ERN1: variants seen among roughly 807,000 people sequenced by gnomAD.
ERN1 encodes the protein endoplasmic reticulum to nucleus signaling 1.
ERN1 carries 39 observed loss-of-function variants against 113.1 expected under a neutral mutation model. That is an observed-to-expected ratio of 0.34 (90% confidence interval 0.27 to 0.45). The LOEUF (loss-of-function observed/expected upper bound fraction) is 0.45. Among genes scored for constraint, ERN1 ranks in the 20% least tolerant of loss-of-function variants. ERN1 has a pLI of 1.00. For synonymous variants in ERN1, 507 were observed against 515.9 expected, an observed-to-expected ratio of 0.98 and a Z score of 0.23; for missense variants, 976 against 1,274.8, an observed-to-expected ratio of 0.77 and a Z score of 3.57.
chr17:64,083,078 A>C (rs966270755), intron 2 of ERN1, among the ~76,000 whole-genome samples: 3 of 152,198 alleles, frequency 2.0e-5, no homozygotes, highest in Admixed American at 6.6e-5. Context: ...TTTCTTTAAG[A>C]ATCATCTGAA....
At chr17:64,103,678 A>T (rs1004372784) in intron 1 of ERN1, among the ~76,000 whole-genome samples, 1 of 152,174 alleles carries the variant, frequency 6.6e-6, no homozygotes, top group Non-Finnish European at 1.5e-5. Flanking sequence ...AATTCAGCTA[A>T]TTGTTAGGGC....
At position 64,114,559 on chromosome 17, in the gene ERN1, G is replaced by A. The variant is rs115073472; in HGVS notation, c.54+15417C>T. 6.8e-3 allele frequency among the ~76,000 whole-genome samples: 1,031 copies of A among 152,326 alleles called. 9 individuals carry two copies. The highest frequency in any genetic ancestry group is 0.024 in the African/African-American group (990 of 41,570). ...AGTGTAGCTGGACAGAGAAGGCAGA[G>A]GGGATATGGGACACGGTGAGGTTGG... On this transcript the variant is annotated intron_variant, in intron 1 of 21. Transcript: ENST00000433197.
chr17:64,106,134 A>T (rs1415968320), intron 1 of ERN1, among the ~76,000 whole-genome samples: 1 of 152,220 alleles, frequency 6.6e-6, no homozygotes, highest in African/African-American at 2.4e-5. Context: ...CCAGGACTCA[A>T]ATCTACTGGA....
At chr17:64,101,397 G>T (rs150617909) in intron 1 of ERN1, among the ~76,000 whole-genome samples, 1 of 152,066 alleles carries the variant, frequency 6.6e-6, no homozygotes, top group East Asian at 1.9e-4. Flanking sequence ...GGGATAGAGC[G>T]AGGCTCTGTC....
chr17:64,083,389 C>T (rs1461704439), intron 2 of ERN1, among the ~76,000 whole-genome samples: 1 of 151,892 alleles, frequency 6.6e-6, no homozygotes, highest in Non-Finnish European at 1.5e-5. Context: ...AGGTAAGATT[C>T]TTGCTTTAAA....
chr17:64,113,890 G>C, intron 1 of ERN1, among the ~76,000 whole-genome samples: 1 of 151,866 alleles, frequency 6.6e-6, no homozygotes, highest in East Asian at 1.9e-4. Context: ...CACCATCTTG[G>C]CCAGGCTGGT....
chr17:64,060,930 T>A (rs1376164920), intron 10 of ERN1, among the ~76,000 whole-genome samples: 1 of 152,044 alleles, frequency 6.6e-6, no homozygotes, highest in East Asian at 1.9e-4. Context: ...TCATTAAAAG[T>A]TCAAGGAGTT....
Position 64,054,411 on chromosome 17 carries a change from C to T in ERN1, c.1792G>A (p.Val598Met), listed in dbSNP as rs1308817257. 5.7e-6 allele frequency: 9 copies of T among 1,578,640 alleles called. No individual in the cohort carries two copies. The highest frequency in any genetic ancestry group is 2.3e-5 in the South Asian group (2 of 86,360). The change falls in exon 15 of 22, where the codon GTG (valine) becomes ATG (methionine). Residue 598 changes from valine to methionine, a missense_variant. By Grantham distance (21) the Val-to-Met change is conservative. Transcript: ENST00000433197. This position sits in a 1 kb window ranked among gnomAD's most constrained non-coding sequence, Gnocchi z 4.9. ...AAACACTCGGGGAGGATCCTCTTCA[C>T]GGCCACGTCGCGGTTGTCAAACATG... ...RGMFDNRDVA[V>M]KRILPECFSF...
At chr17:64,093,168 C>T (rs763344489) in intron 2 of ERN1, among the ~76,000 whole-genome samples, 1 of 152,106 alleles carries the variant, frequency 6.6e-6, no homozygotes, top group African/African-American at 2.4e-5. Flanking sequence ...TAAAAATGTC[C>T]AGTTCATTGG....
At position 64,043,046 on chromosome 17, in the gene ERN1, G is replaced by A. The variant is rs964587550; in HGVS notation, c.*942C>T. The A allele has an allele frequency of 6.6e-6, 1 of 152,348 alleles. No homozygotes were observed. The highest frequency in any genetic ancestry group is 6.5e-5 in the Admixed American group (1 of 15,272). 9.4% of individuals were successfully genotyped at this position (152,348 alleles called of 1,614,324 possible). A position where few individuals can be genotyped will look rare whatever the true frequency, so the allele number is the denominator to read the frequency against. ...CTCACCACGAGCCTCTTGTTCCACCGGCCTTGGGGACGAAGGAGTTTGACT... is the reference window on the plus strand; with the variant it reads ...CTCACCACGAGCCTCTTGTTCCACCAGCCTTGGGGACGAAGGAGTTTGACT... On this transcript the variant is annotated 3_prime_UTR_variant, in exon 22 of 22. Coordinates refer to ENST00000433197, the MANE Select transcript of ERN1 (RefSeq NM_001433.5).
At chr17:64,048,358 T>C (rs1912578527) in intron 18 of ERN1, among the ~76,000 whole-genome samples, 1 of 152,236 alleles carries the variant, frequency 6.6e-6, no homozygotes, top group South Asian at 2.1e-4. Context: ...ACTGTATTTT[T>C]ATAAAATATG....
At chr17:64,056,044 T>C (rs1912858730) in intron 12 of ERN1, 96 bp from the exon 13 acceptor site, 5 of 1,445,360 alleles carry the variant, frequency 3.5e-6, no homozygotes, top group Non-Finnish European at 4.5e-6. Context: ...AGGGAGCATG[T>C]GTACTTTATG....
At chr17:64,109,293 C>A (rs193284594) in intron 1 of ERN1, among the ~76,000 whole-genome samples, 1 of 152,210 alleles carries the variant, frequency 6.6e-6, no homozygotes, top group Non-Finnish European at 1.5e-5. Flanking sequence ...GAGGAGTAGA[C>A]AGGAGAGTCA....
At chr17:64,069,018 C>T (rs372424340) in intron 6 of ERN1, among the ~76,000 whole-genome samples, 6 of 152,070 alleles carry the variant, frequency 3.9e-5, no homozygotes, top group Non-Finnish European at 7.4e-5. Flanking sequence ...GACTGAATAT[C>T]GCTGGAAAAG....
intron 11 of ERN1, among the ~76,000 whole-genome samples, chr17:64,058,513 C>T (rs1290450187): frequency 1.1e-4 from 16 of 152,156 alleles, no homozygotes; most frequent in Admixed American, 1.0e-3. Flanking sequence ...TAATTTATTC[C>T]AGTAGTCCAC....
chr17:64,129,999 T>C lies in ERN1; in HGVS notation c.31A>G (p.Thr11Ala). Residue 11 changes from threonine to alanine, a missense_variant, in exon 1 of 22, where the codon ACG (threonine) becomes GCG (alanine). Physicochemically the swap from Thr to Ala is moderately conservative, Grantham distance 58. This residue lies in a region of ERN1 where 459 missense variants were observed against 581.2 expected (regional missense o/e 0.79). Coordinates refer to ENST00000433197, the MANE Select transcript of ERN1 (RefSeq NM_001433.5). ...ACCCCGAGGCCGGGCAGCAGCAGCG[T>C]CAGCAGCAGCAGCAGCCGCCGGGCC... Reference protein sequence around the residue: MPARRLLLLLTLLLPGLGIFG... With the variant: MPARRLLLLLALLLPGLGIFG... 1 of 1,446,814 alleles carries C rather than the reference T, an allele frequency of 6.9e-7. No individual in the cohort carries two copies. The highest frequency in any genetic ancestry group is 2.6e-5 in the Admixed American group (1 of 38,298). The allele number at this position is 1,446,814 out of a possible 1,614,324, so 89.6% of individuals were successfully genotyped here. A position where few individuals can be genotyped will look rare whatever the true frequency, so the allele number is the denominator to read the frequency against.
intron 1 of ERN1, among the ~76,000 whole-genome samples, chr17:64,101,175 G>A (rs985121240): frequency 1.3e-5 from 2 of 151,948 alleles, no homozygotes; most frequent in African/African-American, 4.8e-5. Flanking sequence ...TTGGGAGGCC[G>A]AGGCAGGCAG....
At position 64,079,710 on chromosome 17, in the gene ERN1, A is replaced by G. The variant is rs1165598384; in HGVS notation, c.234T>C (p.Asn78=). The G allele has an allele frequency of 6.2e-7, 1 of 1,613,860 alleles. No homozygotes were observed. The highest frequency in any genetic ancestry group is 1.7e-5 in the Admixed American group (1 of 60,024). The part of the protein sequence containing the change: ...VEEPAFLPDP[N]DGSLYTLGSK... The stretch of plus-strand genomic sequence containing the variant: ...TTCCAAGCGTATACAGGCTGCCATC[A>G]TTAGGATCTGGGAGAAAGGCAGGCC... Residue 78 remains asparagine, a synonymous_variant, in exon 4 of 22, where the codon AAT becomes AAC. Transcript: ENST00000433197.
rs1281182722 is a variant in ERN1, at chr17:64,130,013, A to C, written c.17T>G (p.Leu6Arg). ...CAGCAGCAGCGTCAGCAGCAGCAGC[A>C]GCCGCCGGGCCGGCATGGCGAGGAC... The part of the protein sequence containing the change: MPARR[L>R]LLLLTLLLPG... Residue 6 changes from leucine (L) to arginine (R), a missense_variant, in exon 1 of 22, where the codon CTG becomes CGG. Leu to Arg is a moderately radical substitution (Grantham distance 102). This residue lies in a region of ERN1 where 459 missense variants were observed against 581.2 expected (regional missense o/e 0.79). Transcript: ENST00000433197. This position sits in a 1 kb window ranked among gnomAD's most constrained non-coding sequence, Gnocchi z 4.0. The C allele has an allele frequency of 1.4e-6, 2 of 1,436,570 alleles. No homozygotes were observed. Among genetic ancestry groups the C allele is most frequent in the Non-Finnish European group, 9.1e-7 (1 of 1,100,994 alleles). The allele number at this position is 1,436,570 out of a possible 1,614,324, so 89.0% of individuals were successfully genotyped here.
Sources: gnomAD v4.1 joint callset for allele counts (sites outside exome capture counted in the v4.1 genomes callset) on GRCh38, gnomAD v4.1.1 for gene constraint, gnomAD v4.1.1 regional missense constraint, Gnocchi (gnomAD v3.1) non-coding constraint, MANE v1.5 for transcripts, NCBI Gene and HGNC (gene_info 2026-07-23, HGNC 2026-07-21) for gene names.